The following ST6GALNAC5 variants were observed in gnomAD, a reference collection of about 807,000 sequenced individuals.
ST6GALNAC5 encodes ST6 N-acetylgalactosaminide alpha-2,6-sialyltransferase 5, also known as alpha-N-acetylgalactosaminide alpha-2,6-sialyltransferase 5.
A neutral mutation model predicts 33.6 loss-of-function variants in ST6GALNAC5; 27 were observed. That is an observed-to-expected ratio of 0.80 (90% CI 0.59 to 1.11). ST6GALNAC5 has a LOEUF of 1.11. Among genes scored for constraint, ST6GALNAC5 ranks in the 50% least tolerant of loss-of-function variants. The pLI is 0.00. For synonymous variants in ST6GALNAC5, 194 were observed against 171.2 expected, an observed-to-expected ratio of 1.13 and a Z score of -1.04; for missense variants, 428 against 454.0, an observed-to-expected ratio of 0.94 and a Z score of 0.52.
chr1:76,941,364 T>C (rs1019429061), intron 2 of ST6GALNAC5, among the ~76,000 whole-genome samples: 4 of 152,072 alleles, frequency 2.6e-5, no homozygotes, highest in African/African-American at 4.8e-5. Flanking sequence ...CACTTCATCA[T>C]TGATTGTTTT....
At position 76,968,943 on chromosome 1, in the gene ST6GALNAC5, A is replaced by G. The variant is rs368705540; in HGVS notation, c.262-75261A>G. Among the ~76,000 whole-genome samples, 7 of 152,324 alleles carry G rather than the reference A, an allele frequency of 4.6e-5. No homozygotes were observed. In the East Asian group the frequency reaches 7.7e-4, roughly 17 times the overall value. ...TCTGGCTTGTAGAGTTTCTGCCAAG[A>G]AATCCACTGTTACACTGATGGTCTT... On this transcript the variant is annotated intron_variant, in intron 2 of 4. Coordinates refer to ENST00000477717, the MANE Select transcript of ST6GALNAC5 (RefSeq NM_030965.3).
chr1:76,895,798 T>G (rs973382842), intron 2 of ST6GALNAC5, among the ~76,000 whole-genome samples: 3 of 152,064 alleles, frequency 2.0e-5, no homozygotes, highest in East Asian at 1.9e-4. Context: ...ACAAGTTTTT[T>G]GGGGGCACAG....
intron 2 of ST6GALNAC5, among the ~76,000 whole-genome samples, chr1:76,910,534 T>C (rs755847327): frequency 9.2e-5 from 14 of 152,044 alleles, no homozygotes; most frequent in Admixed American, 4.6e-4. Flanking sequence ...ACTCAGAGAT[T>C]TGGAAATCTT....
intron 2 of ST6GALNAC5, among the ~76,000 whole-genome samples, chr1:76,875,789 A>G (rs1653625018): frequency 6.6e-6 from 1 of 152,158 alleles, no homozygotes; most frequent in Non-Finnish European, 1.5e-5. Context: ...TGCAGAGCAT[A>G]CATCCCTGCC....
At chr1:76,945,865 G>A (rs1328159776) in intron 2 of ST6GALNAC5, among the ~76,000 whole-genome samples, 1 of 152,056 alleles carries the variant, frequency 6.6e-6, no homozygotes, top group Non-Finnish European at 1.5e-5. Flanking sequence ...GTAGAATAAT[G>A]GTTGTGAAGT....
intron 2 of ST6GALNAC5, among the ~76,000 whole-genome samples, chr1:76,876,434 T>C (rs577178187): frequency 6.6e-6 from 1 of 152,248 alleles, no homozygotes; most frequent in South Asian, 2.1e-4. Flanking sequence ...ACAGAATAGA[T>C]CATTATTAAA....
At chr1:76,898,654 A>G (rs559205398) in intron 2 of ST6GALNAC5, among the ~76,000 whole-genome samples, 2 of 152,276 alleles carry the variant, frequency 1.3e-5, no homozygotes, top group Non-Finnish European at 2.9e-5. Flanking sequence ...GAGGTCAGAT[A>G]AAGAAAAAGG....
chr1:76,979,846 G>T (rs1279110104), intron 2 of ST6GALNAC5, among the ~76,000 whole-genome samples: 1 of 152,128 alleles, frequency 6.6e-6, no homozygotes, highest in South Asian at 2.1e-4. Context: ...ATAATCAGAG[G>T]CATGATAATC....
At chr1:76,897,146 G>A (rs1453645453) in intron 2 of ST6GALNAC5, among the ~76,000 whole-genome samples, 1 of 152,148 alleles carries the variant, frequency 6.6e-6, no homozygotes, top group African/African-American at 2.4e-5. Flanking sequence ...CTTTGCGGCA[G>A]TACAGCCTAG....
At chr1:76,946,835 T>C (rs971243122) in intron 2 of ST6GALNAC5, among the ~76,000 whole-genome samples, 2 of 152,268 alleles carry the variant, frequency 1.3e-5, no homozygotes, top group Admixed American at 1.3e-4. Context: ...TATTTTCAAA[T>C]AGGTGTGCCT....
chr1:77,031,595 T>C (rs1651458835), intron 2 of ST6GALNAC5, among the ~76,000 whole-genome samples: 1 of 152,204 alleles, frequency 6.6e-6, no homozygotes, highest in Non-Finnish European at 1.5e-5. Context: ...TTCAGTTGTT[T>C]ATGAGAAAAA....
chr1:77,063,477 A>G lies in ST6GALNAC5; in HGVS notation c.*271A>G, dbSNP rs1652667863. The G allele has an allele frequency of 2.3e-6, 1 of 441,676 alleles. No homozygotes were observed. Among genetic ancestry groups the G allele is most frequent in the Non-Finnish European group, 4.1e-6 (1 of 242,758 alleles). The allele number at this position is 441,676 out of a possible 1,614,324, so 27.4% of individuals were successfully genotyped here. A position where few individuals can be genotyped will look rare whatever the true frequency, so the allele number is the denominator to read the frequency against. The stretch of plus-strand genomic sequence containing the variant: ...CAATTCAGTTACACCACTATGACTA[A>G]AAACAGTTTGGATCTCTTAGTATTG... On this transcript the variant is annotated 3_prime_UTR_variant, in exon 5 of 5. Coordinates refer to ENST00000477717, the MANE Select transcript of ST6GALNAC5 (RefSeq NM_030965.3).
chr1:76,988,515 C>A (rs1418734642), intron 2 of ST6GALNAC5, among the ~76,000 whole-genome samples: 1 of 151,404 alleles, frequency 6.6e-6, no homozygotes, highest in Non-Finnish European at 1.5e-5. Flanking sequence ...TATTATATTT[C>A]TTCCTTTTCT....
rs577920260 is a variant in ST6GALNAC5, at chr1:76,934,806, G to T, written c.261+66064G>T. On this transcript the variant is annotated intron_variant, in intron 2 of 4. Transcript: ENST00000477717. Reference sequence around the variant, plus strand: ...CAATCCTAGAGAAAAAGAAAGAAAAGAAAAGAAATAAAGGCAATCTCCTTT... The same window carrying T: ...CAATCCTAGAGAAAAAGAAAGAAAATAAAAGAAATAAAGGCAATCTCCTTT... Among the ~76,000 whole-genome samples the T allele has an allele frequency of 2.6e-5, 4 of 152,120 alleles. No homozygotes were observed. The South Asian group carries it at 8.3e-4, about 32-fold the overall frequency.
At chr1:76,902,091 A>C (rs1424793947) in intron 2 of ST6GALNAC5, among the ~76,000 whole-genome samples, 3 of 152,150 alleles carry the variant, frequency 2.0e-5, no homozygotes, top group African/African-American at 7.2e-5. Context: ...AAAGAAAAAA[A>C]AGCAGAAAGG....
At chr1:76,884,543 A>G (rs1350592351) in intron 2 of ST6GALNAC5, among the ~76,000 whole-genome samples, 1 of 152,188 alleles carries the variant, frequency 6.6e-6, no homozygotes, top group African/African-American at 2.4e-5. Flanking sequence ...GGCAAGCTTT[A>G]TTCTAGAAGA....
At position 77,044,293 on chromosome 1, in the gene ST6GALNAC5, A is replaced by G; in HGVS notation, c.351A>G (p.Thr117=). Residue 117 remains threonine, a synonymous_variant, in exon 3 of 5, where the codon ACA becomes ACG. Transcript: ENST00000477717. ...HSRQGSQIDQ[T]ECVIRMNDAP... The stretch of plus-strand genomic sequence containing the variant: ...GGCAAGGCTCCCAGATTGACCAGAC[A>G]GAGTGTGTCATCCGCATGAATGACG... The G allele has an allele frequency of 6.2e-7, 1 of 1,614,018 alleles. No individual in the cohort carries two copies. The highest frequency in any genetic ancestry group is 8.5e-7 in the Non-Finnish European group (1 of 1,180,032).
At chr1:76,988,147 C>T (rs1397740604) in intron 2 of ST6GALNAC5, among the ~76,000 whole-genome samples, 1 of 152,026 alleles carries the variant, frequency 6.6e-6, no homozygotes, top group African/African-American at 2.4e-5. Flanking sequence ...CTTTCTTCTG[C>T]TTCTTTGATT....
chr1:76,916,085 GT>G (rs1036510256), intron 2 of ST6GALNAC5, among the ~76,000 whole-genome samples: 2 of 151,612 alleles, frequency 1.3e-5, no homozygotes, highest in Non-Finnish European at 2.9e-5. Context: ...GTAGTTCATA[GT>G]TTTTAGGAAA....
Sources: gnomAD v4.1 joint callset for allele counts (sites outside exome capture counted in the v4.1 genomes callset) on GRCh38, gnomAD v4.1.1 for gene constraint, MANE v1.5 for transcripts, NCBI Gene and HGNC (gene_info 2026-07-23, HGNC 2026-07-21) for gene names.